The following RPS6KC1 variants were observed in gnomAD, a reference collection of about 807,000 sequenced individuals.
RPS6KC1 encodes the protein ribosomal protein S6 kinase C1.
Under a neutral mutation model 103.8 loss-of-function variants are expected in RPS6KC1, and 54 were observed. The ratio of observed to expected loss-of-function variants is 0.52; its 90% CI spans 0.42 to 0.65. The LOEUF (loss-of-function observed/expected upper bound fraction) is 0.65, where lower values mean the gene tolerates loss of function less well. Among genes scored for constraint, RPS6KC1 ranks in the 30% least tolerant of loss-of-function variants. RPS6KC1 has a pLI of 0.00. For missense variants in RPS6KC1, 1,151 were observed against 1,253.8 expected, an observed-to-expected ratio of 0.92 and a Z score of 1.24; for synonymous variants, 439 against 438.7, an observed-to-expected ratio of 1.00 and a Z score of -0.01.
the RPS6KC1 span, among the ~76,000 whole-genome samples, chr1:213,362,042 T>C: frequency 3.3e-4 from 50 of 152,316 alleles, no homozygotes; most frequent in African/African-American, 1.2e-3. Flanking sequence ...TCTTTTTGCA[T>C]ATATCCTTCA....
intron 5 of RPS6KC1, among the ~76,000 whole-genome samples, chr1:213,121,773 G>A (rs1280531652): frequency 6.6e-6 from 1 of 151,958 alleles, no homozygotes; most frequent in Admixed American, 6.6e-5. Context: ...GTTTGGGGAG[G>A]GACATTTTTT....
chr1:213,799,773 A>C, the RPS6KC1 span, among the ~76,000 whole-genome samples: 2 of 152,164 alleles, frequency 1.3e-5, no homozygotes, highest in African/African-American at 2.4e-5. Context: ...TGATGGACAC[A>C]GTGAGAGGAG....
chr1:213,210,748 A>G (rs572904245), intron 8 of RPS6KC1, among the ~76,000 whole-genome samples: 1 of 152,352 alleles, frequency 6.6e-6, no homozygotes, highest in Non-Finnish European at 1.5e-5. Context: ...CTCACTGAAC[A>G]CATTTAAAAA....
At chr1:213,707,169 T>C in the RPS6KC1 span, among the ~76,000 whole-genome samples, 4 of 152,192 alleles carry the variant, frequency 2.6e-5, no homozygotes, top group Admixed American at 6.5e-5. Context: ...CCACCAACAG[T>C]GTAAAAGCAT....
At chr1:213,647,216 C>A in the RPS6KC1 span, among the ~76,000 whole-genome samples, 1 of 152,052 alleles carries the variant, frequency 6.6e-6, no homozygotes, top group South Asian at 2.1e-4. Flanking sequence ...CGACTAGCAT[C>A]CATAATATTT....
the RPS6KC1 span, among the ~76,000 whole-genome samples, chr1:213,703,247 C>A: frequency 3.3e-5 from 5 of 152,136 alleles, no homozygotes; most frequent in Non-Finnish European, 5.9e-5. Flanking sequence ...TACACTTTAA[C>A]TTCATTGCCC....
chr1:213,184,261 C>G (rs1462312425), intron 8 of RPS6KC1, among the ~76,000 whole-genome samples: 2 of 152,002 alleles, frequency 1.3e-5, no homozygotes, highest in Non-Finnish European at 2.9e-5. Flanking sequence ...ACCAGTATTA[C>G]TCTGATATCA....
the RPS6KC1 span, among the ~76,000 whole-genome samples, chr1:213,813,035 G>A: frequency 1.5e-3 from 227 of 152,142 alleles, no homozygotes; most frequent in Middle Eastern, 3.4e-3. Flanking sequence ...GGCGGATCAC[G>A]AGGTCAAGAG....
At chr1:213,658,631 A>G in the RPS6KC1 span, among the ~76,000 whole-genome samples, 18 of 152,378 alleles carry the variant, frequency 1.2e-4, no homozygotes, top group African/African-American at 4.1e-4. Flanking sequence ...GGCGGATAAA[A>G]TGTTAATGTC....
At chr1:213,145,967 G>GTTTTTTTTTTT (rs71573864) in intron 6 of RPS6KC1, among the ~76,000 whole-genome samples, 7 of 47,834 alleles carry the variant, frequency 1.5e-4, no homozygotes, top group Admixed American at 3.4e-4. Flanking sequence ...CATTCATTCT[G>GTTTTTTTTTTT]TTTTTTTTTT....
At chr1:213,648,591 A>C in the RPS6KC1 span, among the ~76,000 whole-genome samples, 4 of 151,902 alleles carry the variant, frequency 2.6e-5, no homozygotes, top group Non-Finnish European at 4.4e-5. Flanking sequence ...CACCACCCTC[A>C]TCTGAAATCC....
chr1:213,698,285 G>A, the RPS6KC1 span, among the ~76,000 whole-genome samples: 1 of 152,042 alleles, frequency 6.6e-6, no homozygotes, highest in Admixed American at 6.5e-5. Context: ...TCACTTGCCT[G>A]GCCAAAGTTC....
the RPS6KC1 span, among the ~76,000 whole-genome samples, chr1:213,684,746 C>G: frequency 1.3e-5 from 2 of 152,198 alleles, no homozygotes; most frequent in African/African-American, 4.8e-5. Flanking sequence ...AATTGCAGGT[C>G]CTTTTGCTGG....
chr1:213,075,352 A>T (rs758345268), intron 2 of RPS6KC1, among the ~76,000 whole-genome samples: 12 of 152,128 alleles, frequency 7.9e-5, no homozygotes, highest in Non-Finnish European at 1.6e-4. Flanking sequence ...TTGTAATTTG[A>T]TATATTTTTA....
the RPS6KC1 span, among the ~76,000 whole-genome samples, chr1:213,597,065 C>G: frequency 6.6e-6 from 1 of 152,148 alleles, no homozygotes. Flanking sequence ...AGGAGGATGG[C>G]ATACATACCC....
At chr1:213,584,814 A>T in the RPS6KC1 span, among the ~76,000 whole-genome samples, 2 of 152,318 alleles carry the variant, frequency 1.3e-5, no homozygotes, top group Admixed American at 1.3e-4. Flanking sequence ...GGAGCTTGGG[A>T]GGTGGGTCCC....
intron 1 of RPS6KC1, among the ~76,000 whole-genome samples, chr1:213,053,693 G>A (rs949610648): frequency 2.0e-5 from 3 of 152,182 alleles, no homozygotes; most frequent in African/African-American, 7.2e-5. Context: ...CAGAAAAGGA[G>A]AGGGTATGAA....
the RPS6KC1 span, among the ~76,000 whole-genome samples, chr1:213,405,189 G>T: frequency 2.0e-5 from 3 of 152,224 alleles, no homozygotes; most frequent in African/African-American, 7.2e-5. Context: ...TTTAGTGCCA[G>T]TAGGGCTACC....
the RPS6KC1 span, among the ~76,000 whole-genome samples, chr1:213,497,220 T>C: frequency 6.6e-6 from 1 of 152,252 alleles, no homozygotes; most frequent in Admixed American, 6.5e-5. Flanking sequence ...ATGTTTTTAC[T>C]GAACACTGTA....
Sources: allele counts gnomAD v4.1 joint callset (sites outside exome capture counted in the v4.1 genomes callset), GRCh38; gene constraint gnomAD v4.1.1; transcripts MANE v1.5; gene names NCBI Gene and HGNC (gene_info 2026-07-23, HGNC 2026-07-21).